TLL1: variants seen among roughly 807,000 people sequenced by gnomAD.
TLL1 encodes the protein tolloid-like protein 1.
In TLL1, 49 loss-of-function variants were observed where a neutral mutation model predicts 128.2. The observed-to-expected ratio is 0.38, with a 90% CI of 0.30 to 0.48. TLL1 has a LOEUF of 0.48. TLL1 is among the 20% of genes least tolerant of loss of function. TLL1 has a pLI of 0.96. For synonymous variants in TLL1, 454 were observed against 418.8 expected (o/e 1.08, Z -1.03); for missense variants, 1,123 against 1,242.0 (o/e 0.90, Z 1.44).
intron 2 of TLL1, among the ~76,000 whole-genome samples, chr4:165,992,406 T>C (rs1349784291): frequency 1.3e-5 from 2 of 152,070 alleles, no homozygotes; most frequent in Non-Finnish European, 2.9e-5. Flanking sequence ...CATTTGCTGA[T>C]TTGGCCTCCG....
intron 17 of TLL1, among the ~76,000 whole-genome samples, chr4:166,077,008 G>C (rs1741064053): frequency 6.6e-6 from 1 of 152,028 alleles, no homozygotes; most frequent in Non-Finnish European, 1.5e-5. Context: ...ATTGAATAAA[G>C]TATTTCACCA....
At chr4:165,886,832 G>A (rs1369589938) in intron 1 of TLL1, among the ~76,000 whole-genome samples, 1 of 152,146 alleles carries the variant, frequency 6.6e-6, no homozygotes. Context: ...AGGGCTGACT[G>A]TTCTATGGTA....
rs546104534 is a variant in TLL1, at chr4:165,956,445, T to C, written c.170-32936T>C. 2.8e-4 allele frequency among the ~76,000 whole-genome samples: 42 copies of C among 152,194 alleles called. 1 individual carries two copies. In the South Asian group the frequency reaches 7.9e-3, roughly 29 times the overall value. On this transcript the variant is annotated intron_variant, in intron 1 of 20. Transcript: ENST00000061240. ...AGGAATGCATTCCTTTCCCAAGGTA[T>C]TAATGTTAATATTCCTTGCTAGGAA...
intron 10 of TLL1, among the ~76,000 whole-genome samples, chr4:166,039,775 A>T (rs574222285): frequency 1.2e-3 from 177 of 152,020 alleles, no homozygotes; most frequent in Non-Finnish European, 1.8e-3. Context: ...GTTTTTGATT[A>T]AAAAAAACTA....
intron 1 of TLL1, among the ~76,000 whole-genome samples, chr4:165,976,378 T>G (rs2110987774): frequency 6.6e-6 from 1 of 152,312 alleles, no homozygotes; most frequent in African/African-American, 2.4e-5. Flanking sequence ...AGAAATAAAC[T>G]TAACAAGGCA....
intron 1 of TLL1, among the ~76,000 whole-genome samples, chr4:165,917,177 C>T (rs902539218): frequency 2.0e-5 from 3 of 151,866 alleles, no homozygotes; most frequent in African/African-American, 4.8e-5. Flanking sequence ...GGTCCGTGAA[C>T]GTTCTATAGA....
chr4:166,041,396 A>G (rs28405899), intron 10 of TLL1, among the ~76,000 whole-genome samples: 80,417 of 150,596 alleles, frequency 0.53, 22,592 homozygotes, highest in African/African-American at 0.72. Flanking sequence ...TGCCTCTCGG[A>G]CTCAAGCGAT....
chr4:166,086,123 G>A (rs1350723708), intron 18 of TLL1, among the ~76,000 whole-genome samples: 2 of 152,096 alleles, frequency 1.3e-5, no homozygotes, highest in Admixed American at 6.6e-5. Flanking sequence ...TGCCCTTTGT[G>A]AGATAGGAGC....
At chr4:165,919,289 A>G (rs1732922663) in intron 1 of TLL1, among the ~76,000 whole-genome samples, 1 of 151,320 alleles carries the variant, frequency 6.6e-6, no homozygotes, top group Admixed American at 6.6e-5. Flanking sequence ...AGGCTGAAGC[A>G]GGAGGATCAC....
chr4:165,886,969 T>C (rs893203596), intron 1 of TLL1, among the ~76,000 whole-genome samples: 22 of 152,128 alleles, frequency 1.4e-4, no homozygotes, highest in Admixed American at 1.3e-3. Flanking sequence ...ATAACTAAGA[T>C]AAAAGTTGAA....
chr4:166,066,245 G>A (rs895967548), intron 16 of TLL1, among the ~76,000 whole-genome samples: 1 of 151,100 alleles, frequency 6.6e-6, no homozygotes, highest in Admixed American at 6.6e-5. Flanking sequence ...TTATAGAAAT[G>A]GTTGCAGTAA....
At chr4:166,093,280 G>T (rs572508557) in intron 19 of TLL1, among the ~76,000 whole-genome samples, 1 of 152,118 alleles carries the variant, frequency 6.6e-6, no homozygotes, top group Non-Finnish European at 1.5e-5. Flanking sequence ...AGAGGAATGC[G>T]CTAGGAGAGC....
chr4:166,090,830 A>C (rs2111157647), intron 18 of TLL1, among the ~76,000 whole-genome samples: 1 of 152,210 alleles, frequency 6.6e-6, no homozygotes, highest in South Asian at 2.1e-4. Context: ...TTAAATTCAG[A>C]ATAAAATACC....
At chr4:166,001,666 G>A (rs1418884489) in intron 5 of TLL1, among the ~76,000 whole-genome samples, 1 of 151,900 alleles carries the variant, frequency 6.6e-6, no homozygotes, top group African/African-American at 2.4e-5. Context: ...AGGCATGGTG[G>A]CAGGTGAATG....
At chr4:165,898,310 T>C (rs888342062) in intron 1 of TLL1, among the ~76,000 whole-genome samples, 3 of 152,226 alleles carry the variant, frequency 2.0e-5, no homozygotes, top group Non-Finnish European at 4.4e-5. Context: ...CTTGTGCTGG[T>C]TTTCAAAGGG....
At chr4:166,053,201 A>G (rs1217556034) in intron 12 of TLL1, 1 of 151,752 alleles carries the variant, frequency 6.6e-6, no homozygotes, top group Non-Finnish European at 1.5e-5. Context: ...CCAATTTCTC[A>G]TACATCTCTC....
At chr4:165,932,417 C>A (rs185473903) in intron 1 of TLL1, among the ~76,000 whole-genome samples, 2 of 152,058 alleles carry the variant, frequency 1.3e-5, no homozygotes, top group Non-Finnish European at 2.9e-5. Flanking sequence ...TGATTAATAC[C>A]ATTTTTGCAA....
chr4:165,891,469 T>C (rs1044758222), intron 1 of TLL1, among the ~76,000 whole-genome samples: 2 of 152,200 alleles, frequency 1.3e-5, no homozygotes, highest in Non-Finnish European at 2.9e-5. Context: ...TTAAGAGCAC[T>C]CAAGTCACTT....
intron 1 of TLL1, among the ~76,000 whole-genome samples, chr4:165,951,410 A>G (rs1734510136): frequency 6.6e-6 from 1 of 152,124 alleles, no homozygotes; most frequent in South Asian, 2.1e-4. Flanking sequence ...CAGGAATGGA[A>G]TGGAACCCCT....
Sources: gnomAD v4.1 joint callset for allele counts (sites outside exome capture counted in the v4.1 genomes callset) on GRCh38, gnomAD v4.1.1 for gene constraint, MANE v1.5 for transcripts, NCBI Gene and HGNC (gene_info 2026-07-23, HGNC 2026-07-21) for gene names.